CXCL5: variants seen among roughly 807,000 people sequenced by gnomAD.
CXCL5 encodes C-X-C motif chemokine 5.
CXCL5 carries 13 observed loss-of-function variants against 12.1 expected under a neutral mutation model. The observed-to-expected ratio is 1.08, with a 90% CI of 0.70 to 1.71. The LOEUF (loss-of-function observed/expected upper bound fraction) is 1.71, where lower values mean the gene tolerates loss of function less well. Among genes scored for constraint, CXCL5 ranks in the 40% most tolerant of loss-of-function variants. CXCL5 has a pLI of 0.00. For missense variants in CXCL5, 159 were observed against 142.4 expected, an observed-to-expected ratio of 1.12 and a Z score of -0.59; for synonymous variants, 67 against 59.0, an observed-to-expected ratio of 1.14 and a Z score of -0.62.
Position 73,996,210 on chromosome 4 carries a change from A to T in CXCL5, c.*1427T>A, listed in dbSNP as rs1389590261. ...CAGCATTATCAAGGATATTAAGACA[A>T]CACTGACTAACCGGTTTCATTACCG... On this transcript the variant is annotated 3_prime_UTR_variant, in exon 4 of 4. Coordinates refer to ENST00000296027, the MANE Select transcript of CXCL5 (RefSeq NM_002994.5). 3 of 152,666 alleles carry T rather than the reference A, an allele frequency of 2.0e-5. No homozygotes were observed. The highest frequency in any genetic ancestry group is 4.8e-5 in the African/African-American group (2 of 41,448). 9.5% of individuals were successfully genotyped at this position (152,666 alleles called of 1,614,324 possible).
chr4:73,998,423 G>A lies in CXCL5; in HGVS notation c.109+50C>T, dbSNP rs202093269. On this transcript the variant is annotated intron_variant, in intron 1 of 3. Coordinates refer to ENST00000296027, the MANE Select transcript of CXCL5 (RefSeq NM_002994.5). ...GCAGCGACCCCGCAGAGGCTGGGAT[G>A]CACCTCTGTGCCCGAGTGCGAGTGC... The A allele has an allele frequency of 3.5e-5, 56 of 1,606,558 alleles. No homozygotes were observed. The African/African-American group carries it at 7.2e-4, about 21-fold the overall frequency.
chr4:73,997,927 A>C, intron 3 of CXCL5, 85 bp downstream of exon 3: 2 of 1,190,148 alleles, frequency 1.7e-6, no homozygotes, highest in Non-Finnish European at 2.5e-6. Context: ...GTGTTACTTA[A>C]ATCGTACAGA....
chr4:73,998,495 C>A lies in CXCL5; in HGVS notation c.87G>T (p.Thr29=). Residue 29 remains threonine (T), a synonymous_variant, in exon 1 of 4, where the codon ACG becomes ACT. Transcript: ENST00000296027. ...CALLVLLLLL[T]QPGPIASAGP... ...CACCGCTGGCGATGGGCCCTGGCTG[C>A]GTCAGCAGCAGCAGCAGCACCAACA... The A allele has an allele frequency of 6.2e-7, 1 of 1,600,130 alleles. No individual in the cohort carries two copies. The highest frequency in any genetic ancestry group is 1.3e-5 in the African/African-American group (1 of 74,726).
rs1001986761 is a variant in CXCL5, at chr4:73,998,665, T to G, written c.-84A>C. 8 of 1,203,474 alleles carry G rather than the reference T, an allele frequency of 6.6e-6. No homozygotes were observed. In the African/African-American group the frequency reaches 7.6e-5, roughly 11 times the overall value. The allele number at this position is 1,203,474 out of a possible 1,614,324, so 74.5% of individuals were successfully genotyped here. A position where few individuals can be genotyped will look rare whatever the true frequency, so the allele number is the denominator to read the frequency against. On this transcript the variant is annotated 5_prime_UTR_variant, in exon 1 of 4. Coordinates refer to ENST00000296027, the MANE Select transcript of CXCL5 (RefSeq NM_002994.5). ...GATTGGAGGAGCGAAGATTGGAGGA[T>G]CCGGAGCACTGTGGCTTCCTCGTGC...
chr4:73,998,530 A>G lies in CXCL5; in HGVS notation c.52T>C (p.Leu18=), dbSNP rs1719253622. The change falls in exon 1 of 4, where the codon TTG becomes CTG. Residue 18 remains leucine (L), a synonymous_variant. Transcript: ENST00000296027. ...AGCAGCAGCACCAACAGCGCGCACA[A>G]GGAGCTCGAAGGACCGGGGACACGG... is the stretch of plus-strand genomic sequence containing the variant. The part of the protein sequence containing the change: ...AARVPGPSSS[L]CALLVLLLLL... 3 of 1,595,890 alleles carry G rather than the reference A, an allele frequency of 1.9e-6. No homozygotes were observed. Among genetic ancestry groups the G allele is most frequent in the Non-Finnish European group, 2.6e-6 (3 of 1,170,996 alleles).
rs575195054 is a variant in CXCL5, at chr4:73,998,627, G to GTGGAGGAGCGGAGAT, written c.-61_-47dup. 583 of 1,507,492 alleles carry GTGGAGGAGCGGAGAT rather than the reference G, an allele frequency of 3.9e-4. 7 individuals are homozygous for GTGGAGGAGCGGAGAT. In the East Asian group the frequency reaches 9.9e-3, roughly 26 times the overall value. 93.4% of individuals were successfully genotyped at this position (1,507,492 alleles called of 1,614,324 possible). A position where few individuals can be genotyped will look rare whatever the true frequency, so the allele number is the denominator to read the frequency against. On this transcript the variant is annotated 5_prime_UTR_variant, in exon 1 of 4. Transcript: ENST00000296027. ...GAGCGGTCGCGGGTTCCTGAACTGG[G>GTGGAGGAGCGGAGAT]TGGAGGAGCGGAGATTGGAGGAGCG...
rs1719207440 is a variant in CXCL5 at position 73,996,981 on chromosome 4, G to C, written c.*656C>G. Reference sequence around the variant, plus strand: ...AAGATAAAGAATGTCTAAAATTATAGGAAGATAAGATATTAGCCCTCATAG... The same window carrying C: ...AAGATAAAGAATGTCTAAAATTATACGAAGATAAGATATTAGCCCTCATAG... On this transcript the variant is annotated 3_prime_UTR_variant, in exon 4 of 4. Transcript: ENST00000296027. 1 of 152,022 alleles carries C rather than the reference G, an allele frequency of 6.6e-6. No homozygotes were observed. The highest frequency in any genetic ancestry group is 1.5e-5 in the Non-Finnish European group (1 of 67,996). 9.4% of individuals were successfully genotyped at this position (152,022 alleles called of 1,614,324 possible).
Position 73,997,562 on chromosome 4 carries a change from C to G in CXCL5, c.*75G>C. The G allele has an allele frequency of 9.1e-7, 1 of 1,097,052 alleles. No individual in the cohort carries two copies. The highest frequency in any genetic ancestry group is 1.4e-5 in the South Asian group (1 of 73,304). 68.0% of individuals were successfully genotyped at this position (1,097,052 alleles called of 1,614,324 possible). ...ACAAAATCTTTCCTTCTTGTCTTCC[C>G]TGGGTTCAGAGACCTCCAGAAAACT... On this transcript the variant is annotated 3_prime_UTR_variant, in exon 4 of 4. Coordinates refer to ENST00000296027, the MANE Select transcript of CXCL5 (RefSeq NM_002994.5).
Position 73,997,452 on chromosome 4 carries a change from G to A in CXCL5, c.*185C>T. The A allele has an allele frequency of 1.7e-6, 1 of 578,096 alleles. No individual in the cohort carries two copies. Among genetic ancestry groups the A allele is most frequent in the Non-Finnish European group, 3.0e-6 (1 of 329,250 alleles). 35.8% of individuals were successfully genotyped at this position (578,096 alleles called of 1,614,324 possible). A position where few individuals can be genotyped will look rare whatever the true frequency, so the allele number is the denominator to read the frequency against. On this transcript the variant is annotated 3_prime_UTR_variant, in exon 4 of 4. Coordinates refer to ENST00000296027, the MANE Select transcript of CXCL5 (RefSeq NM_002994.5). ...ATTAGCTGAGCTGAAAGCTTAAGCGGCAAACATAGGTTTTCCTCACACTCT... is the reference window on the plus strand; with the variant it reads ...ATTAGCTGAGCTGAAAGCTTAAGCGACAAACATAGGTTTTCCTCACACTCT...
intron 2 of CXCL5, 53 bp from the exon 3 acceptor site, chr4:73,998,148 A>C: frequency 6.2e-7 from 1 of 1,613,880 alleles, no homozygotes; most frequent in Non-Finnish European, 8.5e-7. Flanking sequence ...TTGAAGACCC[A>C]GGCTGCGGGA....
chr4:73,998,268 G>A lies in CXCL5; in HGVS notation c.180C>T (p.Pro60=), dbSNP rs545218332. 3 of 1,614,158 alleles carry A rather than the reference G, an allele frequency of 1.9e-6. No homozygotes were observed. The highest frequency in any genetic ancestry group is 1.7e-5 in the Admixed American group (1 of 60,022). Residue 60 remains proline, a synonymous_variant, in exon 2 of 4, where the codon CCC becomes CCT. Transcript: ENST00000296027. ...ACACTTGCAGATTACTGATCATTTTGGGATGAACTCCTTGCGTGGTCTGTA... is the reference window on the plus strand; with the variant it reads ...ACACTTGCAGATTACTGATCATTTTAGGATGAACTCCTTGCGTGGTCTGTA... ...VCLQTTQGVH[P]KMISNLQVFA...
chr4:73,998,478 G>A lies in CXCL5; in HGVS notation c.104C>T (p.Ala35Val), dbSNP rs752029068. 9 of 1,603,542 alleles carry A rather than the reference G, an allele frequency of 5.6e-6. No homozygotes were observed. In the Admixed American group the frequency reaches 1.0e-4, roughly 18 times the overall value. The stretch of plus-strand genomic sequence containing the variant: ...CGCGCGCCATGCGCTCTCACCGCTG[G>A]CGATGGGCCCTGGCTGCGTCAGCAG... ...LLLLTQPGPIASAGPAAAVLR... is the reference protein window; with the variant it reads ...LLLLTQPGPIVSAGPAAAVLR... The change falls in exon 1 of 4, where the codon GCC becomes GTC. Residue 35 changes from alanine to valine, a missense_variant. Coordinates refer to ENST00000296027, the MANE Select transcript of CXCL5 (RefSeq NM_002994.5).
intron 3 of CXCL5, 105 bp from the exon 4 acceptor site, chr4:73,997,760 C>G: frequency 1.0e-6 from 1 of 992,130 alleles, no homozygotes; most frequent in Non-Finnish European, 1.5e-6. Context: ...AAGGAGAATA[C>G]AAAAATCAAT....
Position 73,998,627 on chromosome 4 carries a change from G to C in CXCL5, c.-46C>G. 6.6e-7 allele frequency: 1 copy of C among 1,507,492 alleles called. No individual in the cohort carries two copies. The highest frequency in any genetic ancestry group is 9.0e-7 in the Non-Finnish European group (1 of 1,106,418). The allele number at this position is 1,507,492 out of a possible 1,614,324, so 93.4% of individuals were successfully genotyped here. ...GAGCGGTCGCGGGTTCCTGAACTGG[G>C]TGGAGGAGCGGAGATTGGAGGAGCG... On this transcript the variant is annotated 5_prime_UTR_variant, in exon 1 of 4. Coordinates refer to ENST00000296027, the MANE Select transcript of CXCL5 (RefSeq NM_002994.5).
rs529224748 is a variant in CXCL5, at chr4:73,998,401, G to T, written c.110-63C>A. 2.5e-6 allele frequency: 4 copies of T among 1,608,862 alleles called. No individual in the cohort carries two copies. In the East Asian group the frequency reaches 8.9e-5, roughly 36 times the overall value. The stretch of plus-strand genomic sequence containing the variant: ...TGCTGGGAGAGTTCCCTGGAACGCA[G>T]CGACCCCGCAGAGGCTGGGATGCAC... On this transcript the variant is annotated intron_variant, in intron 1 of 3. Coordinates refer to ENST00000296027, the MANE Select transcript of CXCL5 (RefSeq NM_002994.5).
rs967476974 is a variant in CXCL5 at position 73,996,983 on chromosome 4, A to C, written c.*654T>G. The C allele has an allele frequency of 2.0e-5, 3 of 152,208 alleles. No homozygotes were observed. The highest frequency in any genetic ancestry group is 4.4e-5 in the Non-Finnish European group (3 of 68,030). 9.4% of individuals were successfully genotyped at this position (152,208 alleles called of 1,614,324 possible). A position where few individuals can be genotyped will look rare whatever the true frequency, so the allele number is the denominator to read the frequency against. The stretch of plus-strand genomic sequence containing the variant: ...GATAAAGAATGTCTAAAATTATAGG[A>C]AGATAAGATATTAGCCCTCATAGAA... On this transcript the variant is annotated 3_prime_UTR_variant, in exon 4 of 4. Coordinates refer to ENST00000296027, the MANE Select transcript of CXCL5 (RefSeq NM_002994.5).
rs1204894470 is a variant in CXCL5, at chr4:73,998,208, C to T, written c.240G>A (p.Val80=). 1.2e-6 allele frequency: 2 copies of T among 1,614,086 alleles called. No individual in the cohort carries two copies. Among genetic ancestry groups the T allele is most frequent in the African/African-American group, 1.3e-5 (1 of 74,948 alleles). The part of the protein sequence containing the change: ...AIGPQCSKVE[V]VASLKNGKEI... Reference sequence around the variant, plus strand: ...GGACACAGCAGCACAGAACTTACACCACTTCCACCTTGGAGCACTGTGGGC... The same window carrying T: ...GGACACAGCAGCACAGAACTTACACTACTTCCACCTTGGAGCACTGTGGGC... The change falls in exon 2 of 4, where the codon GTG becomes GTA. Residue 80 remains valine (V), a splice_region_variant and synonymous_variant. Transcript: ENST00000296027.
rs904790507 is a variant in CXCL5 at position 73,998,358 on chromosome 4, A to C, written c.110-20T>G. On this transcript the variant is annotated intron_variant, in intron 1 of 3. Coordinates refer to ENST00000296027, the MANE Select transcript of CXCL5 (RefSeq NM_002994.5). ...GACCAGCTGGGGAAGAAAGAGAGAC[A>C]CCCTTTATAGGGCAGGTTGCTGGGA... The C allele has an allele frequency of 6.2e-7, 1 of 1,613,660 alleles. No individual in the cohort carries two copies. Among genetic ancestry groups the C allele is most frequent in the Non-Finnish European group, 8.5e-7 (1 of 1,179,896 alleles).
Position 73,997,331 on chromosome 4 carries a change from G to T in CXCL5, c.*306C>A, listed in dbSNP as rs1578182744. 1.6e-5 allele frequency: 5 copies of T among 319,020 alleles called. No individual in the cohort carries two copies. Among genetic ancestry groups the T allele is most frequent in the Middle Eastern group, 8.2e-4 (1 of 1,220 alleles). 19.8% of individuals were successfully genotyped at this position (319,020 alleles called of 1,614,324 possible). ...AGACACTTTGAAAGATTAACAGCCA[G>T]TGATTCCTGGCTCACACTATAGTCA... On this transcript the variant is annotated 3_prime_UTR_variant, in exon 4 of 4. Coordinates refer to ENST00000296027, the MANE Select transcript of CXCL5 (RefSeq NM_002994.5).
Sources: allele counts gnomAD v4.1 joint callset, GRCh38; gene constraint gnomAD v4.1.1; transcripts MANE v1.5; gene names NCBI Gene and HGNC (gene_info 2026-07-23, HGNC 2026-07-21).